FUCA2: variants seen among roughly 807,000 people sequenced by gnomAD.
FUCA2 encodes alpha-L-fucosidase 2.
A neutral mutation model predicts 52.6 loss-of-function variants in FUCA2; 41 were observed. That is an observed-to-expected ratio of 0.78 (90% confidence interval 0.61 to 1.01). The LOEUF is 1.01. Among genes scored for constraint, FUCA2 ranks in the 50% least tolerant of loss-of-function variants. The probability of loss-of-function intolerance (pLI) is 0.00; values close to 1 mark genes in which losing one functional copy is unlikely to be tolerated. For synonymous variants in FUCA2, 211 were observed against 217.3 expected (o/e 0.97, Z 0.26); for missense variants, 507 against 569.5 (o/e 0.89, Z 1.12).
rs754070859 is a variant in FUCA2 at position 143,507,366 on chromosome 6, G to A, written c.283C>T (p.Pro95Ser). Reference sequence around the variant, plus strand: ...AAATCTTCATATTTGAAACTAGGAGGGTAATTATCTTTCATAAATTCCACA... The same window carrying A: ...AAATCTTCATATTTGAAACTAGGAGAGTAATTATCTTTCATAAATTCCACA... Reference protein sequence around the residue: ...KYVEFMKDNYPPSFKYEDFGP... With the variant: ...KYVEFMKDNYSPSFKYEDFGP... The change falls in exon 2 of 7, where the codon CCT (proline) becomes TCT (serine). Residue 95 changes from proline (P) to serine (S), a missense_variant. Coordinates refer to ENST00000002165, the MANE Select transcript of FUCA2 (RefSeq NM_032020.5). The surrounding 1 kb of genome is among the most constrained non-coding windows in gnomAD (Gnocchi z 4.5). 1.9e-6 allele frequency: 3 copies of A among 1,605,150 alleles called. No homozygotes were observed. The East Asian group carries it at 6.7e-5, about 36-fold the overall frequency.
chr6:143,506,509 C>T (rs1780610377), intron 2 of FUCA2: 1 of 151,770 alleles, frequency 6.6e-6, no homozygotes, highest in Non-Finnish European at 1.5e-5. Context: ...TTTTTTATAC[C>T]AAGGCAAAGA....
chr6:143,507,155 T>G lies in FUCA2; in HGVS notation c.412+82A>C. On this transcript the variant is annotated intron_variant, in intron 2 of 6. Coordinates refer to ENST00000002165, the MANE Select transcript of FUCA2 (RefSeq NM_032020.5). The surrounding 1 kb of genome is among the most constrained non-coding windows in gnomAD (Gnocchi z 4.5). ...GTTGCTCCGAAGAGAAAATTAGACC[T>G]TGCTTTAGTTTTTTCTTCCAAAAGA... 1 of 1,350,692 alleles carries G rather than the reference T, an allele frequency of 7.4e-7. No homozygotes were observed. The allele number at this position is 1,350,692 out of a possible 1,614,324, so 83.7% of individuals were successfully genotyped here. A position where few individuals can be genotyped will look rare whatever the true frequency, so the allele number is the denominator to read the frequency against.
Position 143,510,487 on chromosome 6 carries a change from A to C in FUCA2, c.224+924T>G, listed in dbSNP as rs1468419053. On this transcript the variant is annotated intron_variant, in intron 1 of 6. Coordinates refer to ENST00000002165, the MANE Select transcript of FUCA2 (RefSeq NM_032020.5). This position sits in a 1 kb window ranked among gnomAD's most constrained non-coding sequence, Gnocchi z 4.4. ...CCCGTTTCTACTAAAAAATACAAAA[A>C]AATTGGCCAGGCATGGTGGCGTGCG... is the stretch of plus-strand genomic sequence containing the variant. Among the ~76,000 whole-genome samples, 1 of 152,012 alleles carries C rather than the reference A, an allele frequency of 6.6e-6. No individual in the cohort carries two copies. The highest frequency in any genetic ancestry group is 1.5e-5 in the Non-Finnish European group (1 of 68,018).
At position 143,499,733 on chromosome 6, in the gene FUCA2, A is replaced by C. The variant is rs1210944861; in HGVS notation, c.1154+2199T>G. On this transcript the variant is annotated intron_variant, in intron 5 of 6. Transcript: ENST00000002165. The surrounding 1 kb of genome is among the most constrained non-coding windows in gnomAD (Gnocchi z 6.0). The stretch of plus-strand genomic sequence containing the variant: ...ATGAGCACTGGGGACTCATCACTGG[A>C]ACTGGCAAGGCAGATGTTATTGTGG... Among the ~76,000 whole-genome samples, 3 of 152,214 alleles carry C rather than the reference A, an allele frequency of 2.0e-5. No homozygotes were observed. The highest frequency in any genetic ancestry group is 4.4e-5 in the Non-Finnish European group (3 of 68,042).
rs980808178 is a variant in FUCA2 at position 143,495,991 on chromosome 6, C to T, written c.1264-144G>A. Reference sequence around the variant, plus strand: ...ACCTTTATTTAGTGATTCACAATCACTCTTCATCCAATTGAGTGTATGTAT... The same window carrying T: ...ACCTTTATTTAGTGATTCACAATCATTCTTCATCCAATTGAGTGTATGTAT... On this transcript the variant is annotated intron_variant, in intron 6 of 6. Coordinates refer to ENST00000002165, the MANE Select transcript of FUCA2 (RefSeq NM_032020.5). This position sits in a 1 kb window ranked among gnomAD's most constrained non-coding sequence, Gnocchi z 5.2. 1.3e-6 allele frequency: 1 copy of T among 751,160 alleles called. No homozygotes were observed. The highest frequency in any genetic ancestry group is 1.8e-5 in the African/African-American group (1 of 56,746). 46.5% of individuals were successfully genotyped at this position (751,160 alleles called of 1,614,324 possible).
In FUCA2 at chr6:143,511,667, G is replaced by C. The variant is rs1015599192; in HGVS notation, c.-33C>G. On this transcript the variant is annotated 5_prime_UTR_variant, in exon 1 of 7. Transcript: ENST00000002165. The surrounding 1 kb of genome is among the most constrained non-coding windows in gnomAD (Gnocchi z 6.3). ...CGCAGGCCGGCTGTCCTCTCTGCAG[G>C]CTCCCGCGGCCTCGGGAGCGCTGTT... is the stretch of plus-strand genomic sequence containing the variant. 5.6e-6 allele frequency: 8 copies of C among 1,436,844 alleles called. No individual in the cohort carries two copies. Among genetic ancestry groups the C allele is most frequent in the Non-Finnish European group, 7.3e-6 (8 of 1,095,884 alleles). 89.0% of individuals were successfully genotyped at this position (1,436,844 alleles called of 1,614,324 possible).
chr6:143,497,596 C>A lies in FUCA2; in HGVS notation c.1155-99G>T. On this transcript the variant is annotated intron_variant, in intron 5 of 6. Transcript: ENST00000002165. This position sits in a 1 kb window ranked among gnomAD's most constrained non-coding sequence, Gnocchi z 5.3. ...ACAATCTGGAATTATTTTACAGATACTTCCACAATGTCACCACTAATAGAA... is the reference window on the plus strand; with the variant it reads ...ACAATCTGGAATTATTTTACAGATAATTCCACAATGTCACCACTAATAGAA... 1.6e-6 allele frequency: 1 copy of A among 641,694 alleles called. No individual in the cohort carries two copies. Among genetic ancestry groups the A allele is most frequent in the Non-Finnish European group, 2.7e-6 (1 of 372,622 alleles). 39.8% of individuals were successfully genotyped at this position (641,694 alleles called of 1,614,324 possible).
Position 143,503,960 on chromosome 6 carries a change from A to G in FUCA2, c.705T>C (p.Asp235=), listed in dbSNP as rs1255077294. Residue 235 remains aspartate (D), a synonymous_variant, in exon 3 of 7, where the codon GAT becomes GAC. Transcript: ENST00000002165. The surrounding 1 kb of genome is among the most constrained non-coding windows in gnomAD (Gnocchi z 4.8). ...LWSDGDGGAP[D]QYWNSTGFLA... ...AGAAGCCTGTGCTGTTCCAGTATTG[A>G]TCCGGTGCTCCTCCGTCACCATCCG... 1 of 1,614,040 alleles carries G rather than the reference A, an allele frequency of 6.2e-7. No individual in the cohort carries two copies. The highest frequency in any genetic ancestry group is 2.2e-5 in the East Asian group (1 of 44,900).
Position 143,503,849 on chromosome 6 carries a change from T to C in FUCA2, c.752+64A>G. The stretch of plus-strand genomic sequence containing the variant: ...TGAAATATTTCAAGAGGTGAAGGAA[T>C]TAAAATGTTAGAAATATATTAGGAA... On this transcript the variant is annotated intron_variant, in intron 3 of 6. Transcript: ENST00000002165. This position sits in a 1 kb window ranked among gnomAD's most constrained non-coding sequence, Gnocchi z 4.8. The C allele has an allele frequency of 7.9e-7, 1 of 1,270,808 alleles. No individual in the cohort carries two copies. The highest frequency in any genetic ancestry group is 1.1e-6 in the Non-Finnish European group (1 of 916,924). The allele number at this position is 1,270,808 out of a possible 1,614,324, so 78.7% of individuals were successfully genotyped here.
rs754920115 is a variant in FUCA2 at position 143,502,471 on chromosome 6, G to A, written c.847C>T (p.Pro283Ser). Residue 283 changes from proline (P) to serine (S), a missense_variant, in exon 4 of 7, where the codon CCA becomes TCA. Transcript: ENST00000002165. The surrounding 1 kb of genome is among the most constrained non-coding windows in gnomAD (Gnocchi z 4.1). ...CATTTATGTGGCAAAAGATGTCCTG[G>A]GTTATAACGATCACTGCAGGTATAG... ...GFYTCSDRYN[P>S]GHLLPHKWEN... 1 of 1,614,024 alleles carries A rather than the reference G, an allele frequency of 6.2e-7. No homozygotes were observed. Among genetic ancestry groups the A allele is most frequent in the Non-Finnish European group, 8.5e-7 (1 of 1,179,962 alleles).
chr6:143,502,206 C>T lies in FUCA2; in HGVS notation c.964-84G>A, dbSNP rs1780538757. ...AATATGTTGCATTTATATATTTATA[C>T]ATGTATATATAGTCACTGCCTAGAA... On this transcript the variant is annotated intron_variant, in intron 4 of 6. Coordinates refer to ENST00000002165, the MANE Select transcript of FUCA2 (RefSeq NM_032020.5). The surrounding 1 kb of genome is among the most constrained non-coding windows in gnomAD (Gnocchi z 4.1). 3 of 1,306,890 alleles carry T rather than the reference C, an allele frequency of 2.3e-6. No homozygotes were observed. The Admixed American group carries it at 6.5e-5, about 28-fold the overall frequency. The allele number at this position is 1,306,890 out of a possible 1,614,324, so 81.0% of individuals were successfully genotyped here.
In FUCA2 at chr6:143,504,207, AT is replaced by A. The variant is rs759204440; in HGVS notation, c.457del (p.Ile153Ter). ...AATGTCCCTCTTGGGCCCCTCATCT[AT>A]GGCATTCCAGTTCCACGAATATTCT... is the stretch of plus-strand genomic sequence containing the variant. ...GSEYSWNWNA[I>X]DEGPKRDIVK... On this transcript the variant is annotated frameshift_variant, in exon 3 of 7. Transcript: ENST00000002165. LOFTEE classifies it high-confidence loss of function. This position sits in a 1 kb window ranked among gnomAD's most constrained non-coding sequence, Gnocchi z 4.4. 2 of 1,614,128 alleles carry A rather than the reference AT, an allele frequency of 1.2e-6. No homozygotes were observed. The highest frequency in any genetic ancestry group is 4.5e-5 in the East Asian group (2 of 44,894).
chr6:143,506,247 G>A (rs1371410168), intron 2 of FUCA2: 2 of 146,922 alleles, frequency 1.4e-5, no homozygotes, highest in Non-Finnish European at 3.0e-5. Context: ...CTAGACTGGA[G>A]TGTAGTAAGC....
intron 6 of FUCA2, chr6:143,496,572 T>C (rs138575836): frequency 1.5e-4 from 23 of 152,314 alleles, no homozygotes; most frequent in African/African-American, 4.8e-4. Flanking sequence ...AGAACCCCCA[T>C]ATGGACAGTT....
Position 143,504,073 on chromosome 6 carries a change from A to C in FUCA2, c.592T>G (p.Ser198Ala), listed in dbSNP as rs145112826. The C allele has an allele frequency of 8.1e-6, 13 of 1,614,074 alleles. No individual in the cohort carries two copies. The African/African-American group carries it at 1.3e-4, about 17-fold the overall frequency. ...ACTGGAAATTGCCGCTTATGGAATGAACTGGATTCATCCTCAAGGAAGAGC... is the reference window on the plus strand; with the variant it reads ...ACTGGAAATTGCCGCTTATGGAATGCACTGGATTCATCCTCAAGGAAGAGC... ...HPLFLEDESSSFHKRQFPVSK... is the reference protein window; with the variant it reads ...HPLFLEDESSAFHKRQFPVSK... The change falls in exon 3 of 7, where the codon TCA (serine) becomes GCA (alanine). Residue 198 changes from serine to alanine, a missense_variant. By Grantham distance (99) the Ser-to-Ala change is moderately conservative. Coordinates refer to ENST00000002165, the MANE Select transcript of FUCA2 (RefSeq NM_032020.5). This position sits in a 1 kb window ranked among gnomAD's most constrained non-coding sequence, Gnocchi z 4.4.
chr6:143,506,129 G>C (rs988136169), intron 2 of FUCA2: 7 of 150,120 alleles, frequency 4.7e-5, no homozygotes, highest in Admixed American at 2.7e-4. Context: ...CAGATTTTTT[G>C]TGTTGGTTCT....
rs1157928553 is a variant in FUCA2 at position 143,511,511 on chromosome 6, C to T, written c.124G>A (p.Asp42Asn). 5 of 1,594,000 alleles carry T rather than the reference C, an allele frequency of 3.1e-6. No individual in the cohort carries two copies. The highest frequency in any genetic ancestry group is 1.8e-5 in the Admixed American group (1 of 57,006). ...AACCACGCGGGCAGCTGGCGGGCGT[C>T]CAGGGACTCCCAGGTGGGGTCGAAG... ...TRFDPTWESL[D>N]ARQLPAWFDQ... The change falls in exon 1 of 7, where the codon GAC (aspartate) becomes AAC (asparagine). Residue 42 changes from aspartate (D) to asparagine (N), a missense_variant. Coordinates refer to ENST00000002165, the MANE Select transcript of FUCA2 (RefSeq NM_032020.5). This position sits in a 1 kb window ranked among gnomAD's most constrained non-coding sequence, Gnocchi z 6.3.
rs564037781 is a variant in FUCA2 at position 143,503,896 on chromosome 6, T to A, written c.752+17A>T. ...GGAATATGGAGGGTAACTGCAGCAATCTCATAGCATACACACCTTTCATTA... is the reference window on the plus strand; with the variant it reads ...GGAATATGGAGGGTAACTGCAGCAAACTCATAGCATACACACCTTTCATTA... On this transcript the variant is annotated intron_variant, in intron 3 of 6. Coordinates refer to ENST00000002165, the MANE Select transcript of FUCA2 (RefSeq NM_032020.5). This position sits in a 1 kb window ranked among gnomAD's most constrained non-coding sequence, Gnocchi z 4.8. 8.5e-5 allele frequency: 133 copies of A among 1,567,152 alleles called. No individual in the cohort carries two copies. The South Asian group carries it at 1.5e-3, about 17-fold the overall frequency.
chr6:143,503,754 T>C lies in FUCA2; in HGVS notation c.752+159A>G. On this transcript the variant is annotated intron_variant, in intron 3 of 6. Transcript: ENST00000002165. This position sits in a 1 kb window ranked among gnomAD's most constrained non-coding sequence, Gnocchi z 4.8. ...TTTATTTACCCTTGATTATGTTGAG[T>C]AAATAGTGATATATCTAATAAGTAT... 1.7e-6 allele frequency: 1 copy of C among 584,944 alleles called. No homozygotes were observed. The highest frequency in any genetic ancestry group is 2.6e-5 in the South Asian group (1 of 38,476). The allele number at this position is 584,944 out of a possible 1,614,324, so 36.2% of individuals were successfully genotyped here.
Sources: allele counts gnomAD v4.1 joint callset (sites outside exome capture counted in the v4.1 genomes callset), GRCh38; gene constraint gnomAD v4.1.1; non-coding constraint Gnocchi (gnomAD v3.1); transcripts MANE v1.5; gene names NCBI Gene and HGNC (gene_info 2026-07-23, HGNC 2026-07-21).